The following OR2AJ1 variants were observed in gnomAD, a reference collection of about 807,000 sequenced individuals.
The protein encoded by OR2AJ1 is olfactory receptor 2AJ1.
For missense variants in OR2AJ1, 280 were observed against 163.2 expected, an observed-to-expected ratio of 1.72 and a Z score of -3.90; for synonymous variants, 105 against 60.3, an observed-to-expected ratio of 1.74 and a Z score of -3.44.
chr1:247,932,696 C>A (rs1416842112), intron 1 of OR2AJ1, among the ~76,000 whole-genome samples: 7 of 151,934 alleles, frequency 4.6e-5, no homozygotes, highest in Non-Finnish European at 1.0e-4. Flanking sequence ...AAGACAGAAA[C>A]CTGGACTAAT....
In OR2AJ1 at chr1:247,933,354, A is replaced by G. The variant is rs79969214; in HGVS notation, c.-22-393A>G. On this transcript the variant is annotated intron_variant, in intron 1 of 1. Coordinates refer to ENST00000318244, the MANE Select transcript of OR2AJ1 (RefSeq NM_001355235.2). ...AGAAGGTGAAAAGTGACATGCAAAC[A>G]TGTGAAAATGGAGCAGAGCAAGGAG... Among the ~76,000 whole-genome samples, 843 of 152,268 alleles carry G rather than the reference A, an allele frequency of 5.5e-3. 7 individuals are homozygous for G. The highest frequency in any genetic ancestry group is 0.019 in the African/African-American group (785 of 41,576).
chr1:247,926,231 A>G (rs1660089725), intron 1 of OR2AJ1, among the ~76,000 whole-genome samples: 1 of 152,192 alleles, frequency 6.6e-6, no homozygotes. Flanking sequence ...TGGAAACTCA[A>G]TGTTACTTAT....
chr1:247,925,650 A>G (rs1196096956), intron 1 of OR2AJ1, among the ~76,000 whole-genome samples: 1 of 152,218 alleles, frequency 6.6e-6, no homozygotes, highest in African/African-American at 2.4e-5. Context: ...CTGCAAATGC[A>G]AAGTTGTGGT....
chr1:247,928,390 A>G (rs1250159686), intron 1 of OR2AJ1, among the ~76,000 whole-genome samples: 2 of 152,154 alleles, frequency 1.3e-5, no homozygotes, highest in African/African-American at 4.8e-5. Flanking sequence ...TTCCTCGCAT[A>G]TACTATATAT....
chr1:247,934,403 C>T lies in OR2AJ1; in HGVS notation c.635C>T (p.Ser212Phe). Residue 212 changes from serine to phenylalanine, a missense_variant, in exon 2 of 2, where the codon TCC becomes TTC. Coordinates refer to ENST00000318244, the MANE Select transcript of OR2AJ1 (RefSeq NM_001355235.2). ...SAVIFLLIPF[S>F]LISASYGQII... The stretch of plus-strand genomic sequence containing the variant: ...GTGATCTTCCTGCTGATCCCTTTCT[C>T]CTTGATCTCTGCTTCTTATGGCCAA... The T allele has an allele frequency of 1.4e-6, 1 of 718,118 alleles. No individual in the cohort carries two copies. Among genetic ancestry groups the T allele is most frequent in the Non-Finnish European group, 2.6e-6 (1 of 385,414 alleles). The allele number at this position is 718,118 out of a possible 1,614,324, so 44.5% of individuals were successfully genotyped here. A position where few individuals can be genotyped will look rare whatever the true frequency, so the allele number is the denominator to read the frequency against.
chr1:247,925,584 T>C (rs575783083), intron 1 of OR2AJ1, among the ~76,000 whole-genome samples: 3 of 151,882 alleles, frequency 2.0e-5, no homozygotes, highest in African/African-American at 2.4e-5. Flanking sequence ...GAACTAAATG[T>C]AGGCAAATTT....
Position 247,934,112 on chromosome 1 carries a change from T to C in OR2AJ1, c.344T>C (p.Leu115Pro). 1.4e-6 allele frequency: 1 copy of C among 718,734 alleles called. No homozygotes were observed. Among genetic ancestry groups the C allele is most frequent in the Non-Finnish European group, 2.6e-6 (1 of 385,608 alleles). 44.5% of individuals were successfully genotyped at this position (718,734 alleles called of 1,614,324 possible). A position where few individuals can be genotyped will look rare whatever the true frequency, so the allele number is the denominator to read the frequency against. The stretch of plus-strand genomic sequence containing the variant: ...CTCCTGGGTGGTGAGTGCCTTCTCC[T>C]GGCTGCAATGTCCTGTGATCGCTAT... ...LTLLGGECLL[L>P]AAMSCDRYVA... The change falls in exon 2 of 2, where the codon CTG becomes CCG. Residue 115 changes from leucine to proline, a missense_variant. Leu to Pro is a moderately conservative substitution (Grantham distance 98). Transcript: ENST00000318244.
intron 1 of OR2AJ1, among the ~76,000 whole-genome samples, chr1:247,930,349 AAAGTATTTTTT>A (rs1179577427): frequency 2.0e-5 from 3 of 152,202 alleles, no homozygotes; most frequent in African/African-American, 7.2e-5. Flanking sequence ...GATAAATTAA[AAAGTATTTTTT>A]AGTTGAACTA....
intron 1 of OR2AJ1, among the ~76,000 whole-genome samples, chr1:247,926,897 C>A (rs1479263857): frequency 2.0e-5 from 3 of 152,254 alleles, no homozygotes; most frequent in Middle Eastern, 3.4e-3. Flanking sequence ...GCAAGATGCC[C>A]CCTGTATTCT....
chr1:247,932,431 A>G (rs1660164343), intron 1 of OR2AJ1, among the ~76,000 whole-genome samples: 1 of 152,216 alleles, frequency 6.6e-6, no homozygotes, highest in Admixed American at 6.6e-5. Flanking sequence ...TATCTTTTCT[A>G]ACTCTTCTAG....
Position 247,934,544 on chromosome 1 carries a change from A to G in OR2AJ1, c.776A>G (p.Tyr259Cys). The G allele has an allele frequency of 1.4e-6, 1 of 717,580 alleles. No individual in the cohort carries two copies. The highest frequency in any genetic ancestry group is 1.5e-5 in the South Asian group (1 of 67,584). 44.5% of individuals were successfully genotyped at this position (717,580 alleles called of 1,614,324 possible). ...TACTATGGGCCATTTATTTTTACAT[A>G]TATGAGACCTAAATCATACCACACT... ...TMYYGPFIFTYMRPKSYHTPG... is the reference protein window; with the variant it reads ...TMYYGPFIFTCMRPKSYHTPG... Residue 259 changes from tyrosine to cysteine, a missense_variant, in exon 2 of 2, where the codon TAT (tyrosine) becomes TGT (cysteine). Physicochemically the swap from Tyr to Cys is radical, Grantham distance 194. Coordinates refer to ENST00000318244, the MANE Select transcript of OR2AJ1 (RefSeq NM_001355235.2).
At position 247,934,192 on chromosome 1, in the gene OR2AJ1, G is replaced by C. The variant is rs867207737; in HGVS notation, c.424G>C (p.Ala142Pro). The C allele has an allele frequency of 1.8e-5, 13 of 718,442 alleles. No homozygotes were observed. The highest frequency in any genetic ancestry group is 1.7e-4 in the African/African-American group (10 of 57,366). The allele number at this position is 718,442 out of a possible 1,614,324, so 44.5% of individuals were successfully genotyped here. A position where few individuals can be genotyped will look rare whatever the true frequency, so the allele number is the denominator to read the frequency against. Residue 142 changes from alanine (A) to proline (P), a missense_variant, in exon 2 of 2, where the codon GCT becomes CCT. Coordinates refer to ENST00000318244, the MANE Select transcript of OR2AJ1 (RefSeq NM_001355235.2). ...GATTCTTATGAAGGAGTATGCCAGC[G>C]CTCTCATGGCTGGAGGCTCCTGGCT... Reference protein sequence around the residue: ...YPILMKEYASALMAGGSWLIG... With the variant: ...YPILMKEYASPLMAGGSWLIG...
Position 247,933,546 on chromosome 1 carries a change from T to C in OR2AJ1, c.-22-201T>C, listed in dbSNP as rs142361192. On this transcript the variant is annotated intron_variant, in intron 1 of 1. Transcript: ENST00000318244. ...GATGGAGCCAAGGGCCCACTCAATA[T>C]ACTGAATATCATCGATTATTTGAAG... is the stretch of plus-strand genomic sequence containing the variant. Among the ~76,000 whole-genome samples, 314 of 152,310 alleles carry C rather than the reference T, an allele frequency of 2.1e-3. 7 individuals carry two copies. In the East Asian group the frequency reaches 0.034, roughly 17 times the overall value.
chr1:247,934,629 T>A lies in OR2AJ1; in HGVS notation c.861T>A (p.Pro287=), dbSNP rs1252401562. 1.4e-6 allele frequency: 1 copy of A among 717,854 alleles called. No homozygotes were observed. The allele number at this position is 717,854 out of a possible 1,614,324, so 44.5% of individuals were successfully genotyped here. ...CGATCCTCACACCCACACTCAACCC[T>A]TTCATCTACAGCTTTAGGAATAAAG... The part of the protein sequence containing the change: ...FYTILTPTLN[P]FIYSFRNKDV... Residue 287 remains proline (P), a synonymous_variant, in exon 2 of 2, where the codon CCT becomes CCA. Coordinates refer to ENST00000318244, the MANE Select transcript of OR2AJ1 (RefSeq NM_001355235.2).
intron 1 of OR2AJ1, among the ~76,000 whole-genome samples, chr1:247,928,782 C>A (rs1401080042): frequency 6.6e-6 from 1 of 152,092 alleles, no homozygotes; most frequent in East Asian, 1.9e-4. Flanking sequence ...GAACATACAT[C>A]ATCATATCCA....
intron 1 of OR2AJ1, among the ~76,000 whole-genome samples, chr1:247,932,217 T>C (rs1363875401): frequency 6.6e-6 from 1 of 152,186 alleles, no homozygotes; most frequent in African/African-American, 2.4e-5. Context: ...GGTGCCTGTA[T>C]TCCAAGCTAC....
At position 247,933,766 on chromosome 1, in the gene OR2AJ1, A is replaced by G. The variant is rs189038503; in HGVS notation, c.-3A>G. The G allele has an allele frequency of 1.4e-5, 8 of 585,746 alleles. No homozygotes were observed. In the East Asian group the frequency reaches 2.3e-4, roughly 17 times the overall value. The allele number at this position is 585,746 out of a possible 1,614,324, so 36.3% of individuals were successfully genotyped here. ...TTTTAGGTTAAAAAATAGAGAATTC[A>G]TGATGGGCCATCAGAATCACACTTT... On this transcript the variant is annotated 5_prime_UTR_variant, in exon 2 of 2. The change abolishes an upstream ATG in the 5' untranslated region. Transcript: ENST00000318244.
intron 1 of OR2AJ1, among the ~76,000 whole-genome samples, chr1:247,929,349 C>T (rs954680343): frequency 5.3e-5 from 8 of 152,088 alleles, no homozygotes; most frequent in Non-Finnish European, 7.4e-5. Flanking sequence ...CTTTGCTTTA[C>T]ATAGCTACAT....
chr1:247,927,936 G>A (rs1239619543), intron 1 of OR2AJ1, among the ~76,000 whole-genome samples: 2 of 152,314 alleles, frequency 1.3e-5, no homozygotes, highest in East Asian at 3.9e-4. Flanking sequence ...TGATGAACAT[G>A]TAGTTGATTC....
Sources: allele counts gnomAD v4.1 joint callset (sites outside exome capture counted in the v4.1 genomes callset), GRCh38; gene constraint gnomAD v4.1.1; transcripts MANE v1.5; gene names NCBI Gene and HGNC (gene_info 2026-07-23, HGNC 2026-07-21).